The following MOCS1 variants were observed in gnomAD, a reference collection of about 807,000 sequenced individuals.
MOCS1 encodes the protein molybdenum cofactor biosynthesis protein 1.
MOCS1 carries 39 observed loss-of-function variants against 57.6 expected under a neutral mutation model. That is an observed-to-expected ratio of 0.68 (90% confidence interval 0.52 to 0.88). The LOEUF (loss-of-function observed/expected upper bound fraction) is 0.88. Among genes scored for constraint, MOCS1 ranks in the 40% least tolerant of loss-of-function variants. The pLI, the probability that MOCS1 is intolerant of heterozygous loss-of-function variation, is 0.00. For missense variants in MOCS1, 795 were observed against 831.1 expected (o/e 0.96, Z 0.53); for synonymous variants, 334 against 335.7 (o/e 1.00, Z 0.05).
chr6:39,913,085 G>C (rs1336891641), intron 6 of MOCS1, 81 bp from the exon 7 acceptor site: 1 of 1,102,234 alleles, frequency 9.1e-7, no homozygotes. Context: ...TCCATCCCCT[G>C]CCACAGCATA....
intron 9 of MOCS1, 66 bp downstream of exon 9, chr6:39,909,757 ACCCCACAACTCC>A: frequency 6.3e-7 from 1 of 1,592,072 alleles, no homozygotes; most frequent in Non-Finnish European, 8.5e-7. Context: ...TGGTCATCTC[ACCCCACAACTCC>A]ACACCTCCCT....
intron 2 of MOCS1, chr6:39,927,068 C>G: frequency 4.4e-6 from 2 of 453,238 alleles, no homozygotes; most frequent in Non-Finnish European, 4.1e-6. Context: ...GGTCCAGGAT[C>G]CAATCTTAAT....
chr6:39,908,555 T>C (rs11963325), intron 10 of MOCS1, among the ~76,000 whole-genome samples: 10,388 of 152,230 alleles, frequency 0.068, 427 homozygotes, highest in Middle Eastern at 0.092. Flanking sequence ...CATTACCTCA[T>C]GTTACATGTG....
intron 1 of MOCS1, among the ~76,000 whole-genome samples, chr6:39,931,254 C>A (rs79280705): frequency 0.036 from 5,484 of 152,222 alleles, 323 homozygotes; most frequent in East Asian, 0.26. Context: ...CGGGACCCTG[C>A]CCTCAAGGTG....
chr6:39,910,144 G>C (rs1016794147), intron 8 of MOCS1, among the ~76,000 whole-genome samples, 189 bp from the exon 9 acceptor site: 1 of 152,182 alleles, frequency 6.6e-6, no homozygotes, highest in East Asian at 1.9e-4. Flanking sequence ...AAGAGCAAGA[G>C]GCAAAATTCG....
intron 3 of MOCS1, 40 bp downstream of exon 3, chr6:39,925,638 C>G (rs768015946): frequency 1.4e-5 from 22 of 1,611,606 alleles, no homozygotes; most frequent in Non-Finnish European, 1.8e-5. Context: ...CCGGATGAGG[C>G]AGCGCTGGGA....
chr6:39,909,011 C>G, intron 10 of MOCS1, 44 bp downstream of exon 10: 1 of 1,587,202 alleles, frequency 6.3e-7, no homozygotes, highest in Non-Finnish European at 8.7e-7. Context: ...CACGAGATCC[C>G]CAAATGACAA....
intron 1 of MOCS1, among the ~76,000 whole-genome samples, chr6:39,931,873 GA>G (rs1768660721): frequency 6.6e-6 from 1 of 152,178 alleles, no homozygotes. Context: ...CTCAGAGGGA[GA>G]AAGAGGGATA....
At position 39,912,143 on chromosome 6, in the gene MOCS1, A is replaced by G; in HGVS notation, c.981+121T>C. 4 of 809,282 alleles carry G rather than the reference A, an allele frequency of 4.9e-6. No individual in the cohort carries two copies. In the South Asian group the frequency reaches 5.5e-5, roughly 11 times the overall value. The allele number at this position is 809,282 out of a possible 1,614,324, so 50.1% of individuals were successfully genotyped here. ...ATGCCCCCAAACCTGACATTATTGCACCAACCACCTCCCCCGACACCGTGC... is the reference window on the plus strand; with the variant it reads ...ATGCCCCCAAACCTGACATTATTGCGCCAACCACCTCCCCCGACACCGTGC... On this transcript the variant is annotated intron_variant, in intron 8 of 10. Transcript: ENST00000340692.
chr6:39,904,672 C>T lies in MOCS1; in HGVS notation c.*1685G>A. On this transcript the variant is annotated 3_prime_UTR_variant, in exon 11 of 11. Coordinates refer to ENST00000340692, the MANE Select transcript of MOCS1 (RefSeq NM_001358530.2). ...TCTCCCTACTCCCATCCCATTTCCA[C>T]CAACTGGGGAACTGTGACTATCTAT... 2.2e-6 allele frequency: 1 copy of T among 453,756 alleles called. No homozygotes were observed. Among genetic ancestry groups the T allele is most frequent in the Non-Finnish European group, 4.4e-6 (1 of 226,726 alleles). 28.1% of individuals were successfully genotyped at this position (453,756 alleles called of 1,614,324 possible). A position where few individuals can be genotyped will look rare whatever the true frequency, so the allele number is the denominator to read the frequency against.
chr6:39,915,889 C>T (rs1488621881), intron 4 of MOCS1, among the ~76,000 whole-genome samples, 179 bp downstream of exon 4: 2 of 152,142 alleles, frequency 1.3e-5, no homozygotes, highest in African/African-American at 2.4e-5. Flanking sequence ...TAGCGTCTGA[C>T]CCCCAAAGTC....
Position 39,906,996 on chromosome 6 carries a change from C to T in MOCS1, c.1272G>A (p.Trp424Ter). ...GGGTCTGGGGGACCCTGCATCCTTT[C>T]CATAAAGTGGCCACCTGGCTGGAGA... ...MSFSSQVATL[W>*]KGCRVPQTPP... Residue 424 changes from tryptophan to a stop codon, truncating the protein, a stop_gained, in exon 11 of 11, where the codon TGG becomes TGA. Coordinates refer to ENST00000340692, the MANE Select transcript of MOCS1 (RefSeq NM_001358530.2). LOFTEE classifies it high-confidence loss of function. 6.2e-7 allele frequency: 1 copy of T among 1,613,996 alleles called. No individual in the cohort carries two copies.
rs766253841 is a variant in MOCS1, at chr6:39,904,530, TCAACCTAA to T, written c.*1819_*1826del. 9.0e-5 allele frequency: 41 copies of T among 454,138 alleles called. 1 individual carries two copies. In the Middle Eastern group the frequency reaches 2.7e-3, roughly 30 times the overall value. 28.1% of individuals were successfully genotyped at this position (454,138 alleles called of 1,614,324 possible). On this transcript the variant is annotated 3_prime_UTR_variant, in exon 11 of 11. Coordinates refer to ENST00000340692, the MANE Select transcript of MOCS1 (RefSeq NM_001358530.2). ...TTTGTGGCCAATGTAAAATTCGTCA[TCAACCTAA>T]CAAACACAACCTTCTCAGCAGCATT...
At position 39,913,839 on chromosome 6, in the gene MOCS1, G is replaced by A. The variant is rs369283128; in HGVS notation, c.584-4C>T. On this transcript the variant is annotated splice_polypyrimidine_tract_variant and splice_region_variant and intron_variant, in intron 4 of 10. Coordinates refer to ENST00000340692, the MANE Select transcript of MOCS1 (RefSeq NM_001358530.2). ...CCCTCCATGACCTTGTGGAAGCCTG[G>A]GAGGGAGAAACAAGGATCCAGGAAC... 3.7e-6 allele frequency: 6 copies of A among 1,614,120 alleles called. No individual in the cohort carries two copies. The highest frequency in any genetic ancestry group is 2.5e-6 in the Non-Finnish European group (3 of 1,179,966).
At chr6:39,932,220 C>T (rs1008686941) in intron 1 of MOCS1, 5 of 152,282 alleles carry the variant, frequency 3.3e-5, no homozygotes, top group African/African-American at 1.2e-4. Flanking sequence ...GGGAGACAGA[C>T]CCTGCAAGAA....
rs1159350445 is a variant in MOCS1 at position 39,904,599 on chromosome 6, T to C, written c.*1758A>G. On this transcript the variant is annotated 3_prime_UTR_variant, in exon 11 of 11. Transcript: ENST00000340692. The stretch of plus-strand genomic sequence containing the variant: ...GATGGAAATAAAGTGTTTAGGGCAG[T>C]GGGAGGAGAAAATTCTCCAGGTGAA... The C allele has an allele frequency of 2.2e-6, 1 of 454,268 alleles. No homozygotes were observed. The highest frequency in any genetic ancestry group is 2.3e-5 in the Admixed American group (1 of 42,580). 28.1% of individuals were successfully genotyped at this position (454,268 alleles called of 1,614,324 possible).
At chr6:39,910,900 C>T (rs1412242741) in intron 8 of MOCS1, among the ~76,000 whole-genome samples, 1 of 152,062 alleles carries the variant, frequency 6.6e-6, no homozygotes, top group African/African-American at 2.4e-5. Flanking sequence ...GCATTTCTCC[C>T]CTACTTCCTC....
chr6:39,927,065 G>C (rs1768357813), intron 2 of MOCS1: 3 of 446,070 alleles, frequency 6.7e-6, no homozygotes, highest in Non-Finnish European at 1.2e-5. Context: ...AGAGGTCCAG[G>C]ATCCAATCTT....
Position 39,904,325 on chromosome 6 carries a change from C to G in MOCS1, c.*2032G>C, listed in dbSNP as rs566474162. 3.1e-4 allele frequency: 143 copies of G among 456,702 alleles called. No individual in the cohort carries two copies. The highest frequency in any genetic ancestry group is 2.5e-3 in the African/African-American group (123 of 50,188). 28.3% of individuals were successfully genotyped at this position (456,702 alleles called of 1,614,324 possible). On this transcript the variant is annotated 3_prime_UTR_variant, in exon 11 of 11. Transcript: ENST00000340692. ...TGGCCAGTGGCTCTGGTGCTAGATG[C>G]CACTGTAGCCAGATCTCCAACAGTG...
Sources: gnomAD v4.1 joint callset for allele counts (sites outside exome capture counted in the v4.1 genomes callset) on GRCh38, gnomAD v4.1.1 for gene constraint, MANE v1.5 for transcripts, NCBI Gene and HGNC (gene_info 2026-07-23, HGNC 2026-07-21) for gene names.